RECK: variants seen among roughly 807,000 people sequenced by gnomAD.
RECK encodes the protein reversion-inducing cysteine-rich protein with Kazal motifs.
Under a neutral mutation model 115.1 loss-of-function variants are expected in RECK, and 69 were observed. The observed-to-expected ratio is 0.60, with a 90% CI of 0.49 to 0.73. The LOEUF (loss-of-function observed/expected upper bound fraction) is 0.73, where lower values mean the gene tolerates loss of function less well. RECK is among the 30% of genes least tolerant of loss of function. The pLI, the probability that RECK is intolerant of heterozygous loss-of-function variation, is 0.00. For synonymous variants in RECK, 414 were observed against 419.7 expected, an observed-to-expected ratio of 0.99 and a Z score of 0.17; for missense variants, 1,047 against 1,203.7, an observed-to-expected ratio of 0.87 and a Z score of 1.93.
chr9:36,098,288 CAT>C (rs1272590834), intron 10 of RECK, among the ~76,000 whole-genome samples: 1 of 152,118 alleles, frequency 6.6e-6, no homozygotes. Context: ...AGCCATTCCA[CAT>C]GTGTCATGTT....
At chr9:36,054,851 T>A (rs951607963) in intron 2 of RECK, among the ~76,000 whole-genome samples, 1 of 152,194 alleles carries the variant, frequency 6.6e-6, no homozygotes, top group Non-Finnish European at 1.5e-5. Flanking sequence ...TCCCTGCTCA[T>A]GCAAACTAAT....
chr9:36,077,870 CTGTT>C (rs1186402156), intron 6 of RECK, among the ~76,000 whole-genome samples: 1 of 152,096 alleles, frequency 6.6e-6, no homozygotes, highest in Non-Finnish European at 1.5e-5. Context: ...CATTCACTCT[CTGTT>C]TATTCAACTT....
intron 19 of RECK, among the ~76,000 whole-genome samples, chr9:36,121,096 T>C (rs1824444787): frequency 6.6e-6 from 1 of 152,146 alleles, no homozygotes; most frequent in South Asian, 2.1e-4. Flanking sequence ...CTCACACCAG[T>C]CCCCGTGCCT....
In RECK at chr9:36,057,070, A is replaced by G. The variant is rs117032180; in HGVS notation, c.160-1757A>G. 1.4e-4 allele frequency: 135 copies of G among 951,160 alleles called. 2 individuals are homozygous for G. The East Asian group carries it at 0.013, about 91-fold the overall frequency. 58.9% of individuals were successfully genotyped at this position (951,160 alleles called of 1,614,324 possible). On this transcript the variant is annotated intron_variant, in intron 2 of 20. Coordinates refer to ENST00000377966, the MANE Select transcript of RECK (RefSeq NM_021111.3). ...TGATTTATTATTTACTGAAACACCAAATTGTAATTGCATAACGTCCTATTT... is the reference window on the plus strand; with the variant it reads ...TGATTTATTATTTACTGAAACACCAGATTGTAATTGCATAACGTCCTATTT...
chr9:36,052,371 G>A (rs1489063255), intron 2 of RECK, 48 bp downstream of exon 2: 3 of 1,402,262 alleles, frequency 2.1e-6, no homozygotes, highest in Non-Finnish European at 3.0e-6. Context: ...AGTGGTTCAT[G>A]CCTGTAATCC....
At chr9:36,082,152 T>TCCTCTCTCTCTC (rs1822728438) in intron 7 of RECK, among the ~76,000 whole-genome samples, 1 of 113,650 alleles carries the variant, frequency 8.8e-6, no homozygotes, top group Admixed American at 9.3e-5. Flanking sequence ...CCTCCCTGCT[T>TCCTCTCTCTCTC]TCTCTCTCTC....
chr9:36,113,612 T>A (rs1214447727), intron 16 of RECK, among the ~76,000 whole-genome samples: 2 of 152,214 alleles, frequency 1.3e-5, no homozygotes, highest in African/African-American at 4.8e-5. Flanking sequence ...TGGGAAGGCC[T>A]TCTTGAGTAT....
chr9:36,056,795 C>A (rs1409925467), intron 2 of RECK, among the ~76,000 whole-genome samples: 3 of 152,128 alleles, frequency 2.0e-5, no homozygotes, highest in Non-Finnish European at 2.9e-5. Flanking sequence ...AGTCTTCCCC[C>A]AAAAATGTCT....
chr9:36,116,106 T>C (rs1330891715), intron 16 of RECK, among the ~76,000 whole-genome samples: 1 of 151,436 alleles, frequency 6.6e-6, no homozygotes, highest in Admixed American at 6.6e-5. Flanking sequence ...CTGAATTATT[T>C]TAGGACAAAG....
In RECK at chr9:36,123,770, G is replaced by T. The variant is rs919841462; in HGVS notation, c.*725G>T. 5 of 152,192 alleles carry T rather than the reference G, an allele frequency of 3.3e-5. No homozygotes were observed. The highest frequency in any genetic ancestry group is 1.2e-4 in the African/African-American group (5 of 41,448). 9.4% of individuals were successfully genotyped at this position (152,192 alleles called of 1,614,324 possible). The stretch of plus-strand genomic sequence containing the variant: ...ATTGCATCAAAGCATCTTGCATTAT[G>T]CAATTTTTATATTAACCAGATATAT... On this transcript the variant is annotated 3_prime_UTR_variant, in exon 21 of 21. Coordinates refer to ENST00000377966, the MANE Select transcript of RECK (RefSeq NM_021111.3).
intron 9 of RECK, 31 bp downstream of exon 9, chr9:36,087,992 A>C: frequency 6.5e-7 from 1 of 1,548,334 alleles, no homozygotes; most frequent in Non-Finnish European, 8.9e-7. Context: ...TACCAAAATC[A>C]GTAGAAAATG....
chr9:36,080,646 T>C lies in RECK; in HGVS notation c.439+8T>C, dbSNP rs1346825506. ...GCATTAGCAGAAATGAAAGTAAGTA[T>C]ATTTGTCAATGGTTGTACAAACAGT... On this transcript the variant is annotated splice_region_variant and intron_variant, in intron 7 of 20. Transcript: ENST00000377966. 6.2e-7 allele frequency: 1 copy of C among 1,609,460 alleles called. No homozygotes were observed. Among genetic ancestry groups the C allele is most frequent in the East Asian group, 2.2e-5 (1 of 44,818 alleles).
chr9:36,096,805 A>G (rs983286892), intron 10 of RECK, among the ~76,000 whole-genome samples: 15 of 152,168 alleles, frequency 9.9e-5, no homozygotes, highest in Non-Finnish European at 1.8e-4. Context: ...AAAGAAAAAA[A>G]TGAATTAGAC....
At chr9:36,040,287 G>C (rs1201092845) in intron 1 of RECK, among the ~76,000 whole-genome samples, 2 of 152,160 alleles carry the variant, frequency 1.3e-5, no homozygotes, top group Non-Finnish European at 2.9e-5. Flanking sequence ...GTAGTTCTTT[G>C]TGTAAAAGAA....
At chr9:36,116,930 C>T in intron 16 of RECK, 55 bp from the exon 17 acceptor site, 1 of 1,444,830 alleles carries the variant, frequency 6.9e-7, no homozygotes. Flanking sequence ...GCTTTGCTAG[C>T]CCCACCACAG....
At chr9:36,110,870 A>G (rs1202875837) in intron 15 of RECK, among the ~76,000 whole-genome samples, 1 of 152,088 alleles carries the variant, frequency 6.6e-6, no homozygotes, top group Admixed American at 6.6e-5. Context: ...CCTCCAGCCC[A>G]TTGGAAATAA....
rs2132683156 is a variant in RECK, at chr9:36,124,011, A to G, written c.*966A>G. The G allele has an allele frequency of 6.5e-6, 1 of 152,782 alleles. No individual in the cohort carries two copies. The highest frequency in any genetic ancestry group is 1.9e-4 in the East Asian group (1 of 5,188). 9.5% of individuals were successfully genotyped at this position (152,782 alleles called of 1,614,324 possible). On this transcript the variant is annotated 3_prime_UTR_variant, in exon 21 of 21. Coordinates refer to ENST00000377966, the MANE Select transcript of RECK (RefSeq NM_021111.3). ...CAGTGCTTTCCATTCGTGAAAACAC[A>G]TTTGCTTTTTGTGATATGCACAATG...
chr9:36,101,187 G>A (rs1293537638), intron 11 of RECK, among the ~76,000 whole-genome samples: 1 of 152,088 alleles, frequency 6.6e-6, no homozygotes, highest in African/African-American at 2.4e-5. Flanking sequence ...TCTTGACCTG[G>A]TGATCCACCC....
Position 36,065,593 on chromosome 9 carries a change from A to T in RECK, c.374A>T (p.Asp125Val). 6.3e-7 allele frequency: 1 copy of T among 1,588,232 alleles called. No homozygotes were observed. Among genetic ancestry groups the T allele is most frequent in the East Asian group, 2.3e-5 (1 of 43,462 alleles). Residue 125 changes from aspartate to valine, a missense_variant, in exon 6 of 21, where the codon GAT (aspartate) becomes GTT (valine). Asp to Val is a radical substitution (Grantham distance 152). Transcript: ENST00000377966. ...QACKQASSKNDISKVCRKEYE... is the reference protein window; with the variant it reads ...QACKQASSKNVISKVCRKEYE... The stretch of plus-strand genomic sequence containing the variant: ...GGTTTTTAGGCATCTTCAAAGAATG[A>T]TATTTCCAAAGTTTGCAGAAAAGAA...
Sources: gnomAD v4.1 joint callset for allele counts (sites outside exome capture counted in the v4.1 genomes callset) on GRCh38, gnomAD v4.1.1 for gene constraint, MANE v1.5 for transcripts, NCBI Gene and HGNC (gene_info 2026-07-23, HGNC 2026-07-21) for gene names.